The following COL6A3 variants were observed in gnomAD, a reference collection of about 807,000 sequenced individuals.
The protein encoded by COL6A3 is collagen alpha-3(VI) chain.
A neutral mutation model predicts 274.1 loss-of-function variants in COL6A3; 137 were observed. The ratio of observed to expected loss-of-function variants is 0.50; its 90% CI spans 0.44 to 0.58. The LOEUF (loss-of-function observed/expected upper bound fraction) is 0.58. Ranked by LOEUF, COL6A3 falls within the 20% of genes least tolerant of loss-of-function variation. The pLI is 0.00. For missense variants in COL6A3, 3,950 were observed against 4,124.9 expected (o/e 0.96, Z 1.16); for synonymous variants, 1,650 against 1,650.6 (o/e 1.00, Z 0.01).
In COL6A3 at chr2:237,371,760, G is replaced by C. The variant is rs145889244; in HGVS notation, c.4257C>G (p.Leu1419=). 7 of 1,608,436 alleles carry C rather than the reference G, an allele frequency of 4.4e-6. No homozygotes were observed. The highest frequency in any genetic ancestry group is 1.3e-5 in the African/African-American group (1 of 74,752). The change falls in exon 9 of 44, where the codon CTC becomes CTG. Residue 1419 remains leucine, a synonymous_variant. Transcript: ENST00000295550. This position sits in a 1 kb window ranked among gnomAD's most constrained non-coding sequence, Gnocchi z 4.3. The part of the protein sequence containing the change: ...TTLTSEQIQK[L]LASTRYPPPA... The stretch of plus-strand genomic sequence containing the variant: ...GAGGTGGATAGCGAGTGCTGGCTAA[G>C]AGCTTCTGGATCTGCTCTGAGGTCA...
chr2:237,359,414 C>T (rs1215015239), intron 17 of COL6A3, 26 bp from the exon 18 acceptor site: 14 of 1,613,454 alleles, frequency 8.7e-6, no homozygotes, highest in Middle Eastern at 1.6e-4. Context: ...ATAGGGGAAG[C>T]ATTAGCTTTT....
intron 39 of COL6A3, among the ~76,000 whole-genome samples, chr2:237,338,199 G>C (rs1173287956): frequency 1.3e-5 from 2 of 152,208 alleles, no homozygotes; most frequent in African/African-American, 4.8e-5. Flanking sequence ...CAGTGTGCCA[G>C]TTCTAACCTA....
chr2:237,397,457 AAGAG>A (rs879795388), intron 1 of COL6A3, among the ~76,000 whole-genome samples: 3 of 141,050 alleles, frequency 2.1e-5, no homozygotes, highest in Admixed American at 6.9e-5. Context: ...GAGAGAAAGA[AAGAG>A]AGAGAGGGAG....
intron 28 of COL6A3, among the ~76,000 whole-genome samples, chr2:237,348,877 T>C (rs2077150168): frequency 6.6e-6 from 1 of 152,160 alleles, no homozygotes; most frequent in South Asian, 2.1e-4. Context: ...AGGACTCCCG[T>C]AGCAAAATGG....
At chr2:237,351,213 T>C (rs1370547474) in intron 26 of COL6A3, 21 bp from the exon 27 acceptor site, 4 of 1,613,680 alleles carry the variant, frequency 2.5e-6, no homozygotes, top group Non-Finnish European at 3.4e-6. Flanking sequence ...AGGGGAGGAA[T>C]GTGTCAGTGA....
In COL6A3 at chr2:237,379,183, A is replaced by G. The variant is rs112662926; in HGVS notation, c.1950T>C (p.Val650=). The change falls in exon 6 of 44, where the codon GTT becomes GTC. Residue 650 remains valine, a synonymous_variant. Coordinates refer to ENST00000295550, the MANE Select transcript of COL6A3 (RefSeq NM_004369.4). ...GCACATAAGGGAAATTGGTTTTTCCAACGTTGGCTGATCCATCCAAAAGAA... is the reference window on the plus strand; with the variant it reads ...GCACATAAGGGAAATTGGTTTTTCCGACGTTGGCTGATCCATCCAAAAGAA... ...IIFLLDGSAN[V]GKTNFPYVRD... The G allele has an allele frequency of 6.2e-7, 1 of 1,614,234 alleles. No individual in the cohort carries two copies. Among genetic ancestry groups the G allele is most frequent in the East Asian group, 2.2e-5 (1 of 44,890 alleles).
chr2:237,353,805 G>C (rs2077257841), intron 24 of COL6A3, among the ~76,000 whole-genome samples: 1 of 152,078 alleles, frequency 6.6e-6, no homozygotes, highest in Non-Finnish European at 1.5e-5. Flanking sequence ...AGTCCCCACT[G>C]GGCACCATTT....
Position 237,374,904 on chromosome 2 carries a change from C to T in COL6A3, c.3187G>A (p.Asp1063Asn), listed in dbSNP as rs760543147. Reference protein sequence around the residue: ...RVVESLDVGQDRVRVAVVQYS... With the variant: ...RVVESLDVGQNRVRVAVVQYS... ...TGCACCACGGCCACGCGGACCCGGT[C>T]CTGGCCCACATCCAGGCTTTCCACC... The change falls in exon 8 of 44, where the codon GAC (aspartate) becomes AAC (asparagine). Residue 1063 changes from aspartate (D) to asparagine (N), a missense_variant. By Grantham distance (23) the Asp-to-Asn change is conservative (BLOSUM62 1). This residue lies in a region of COL6A3 where 1,934 missense variants were observed against 1,984.3 expected (regional missense o/e 0.97). Coordinates refer to ENST00000295550, the MANE Select transcript of COL6A3 (RefSeq NM_004369.4). This position sits in a 1 kb window ranked among gnomAD's most constrained non-coding sequence, Gnocchi z 4.8. 11 of 1,613,800 alleles carry T rather than the reference C, an allele frequency of 6.8e-6. No homozygotes were observed. Among genetic ancestry groups the T allele is most frequent in the Middle Eastern group, 1.6e-4 (1 of 6,082 alleles).
intron 31 of COL6A3, among the ~76,000 whole-genome samples, chr2:237,346,813 G>C (rs1350461124): frequency 1.3e-5 from 2 of 152,096 alleles, no homozygotes; most frequent in African/African-American, 4.8e-5. Context: ...CCAGGCTAAG[G>C]TAAGACAGGT....
chr2:237,405,205 C>A (rs529941779), intron 1 of COL6A3, among the ~76,000 whole-genome samples: 1 of 152,248 alleles, frequency 6.6e-6, no homozygotes, highest in East Asian at 1.9e-4. Flanking sequence ...GTGGGAAAAA[C>A]GCCTTTGGCC....
At chr2:237,337,545 A>T (rs538005325) in intron 39 of COL6A3, among the ~76,000 whole-genome samples, 1 of 152,360 alleles carries the variant, frequency 6.6e-6, no homozygotes, top group Middle Eastern at 3.4e-3. Context: ...CTCTTTCCCC[A>T]TCTTGAGAGT....
rs115320113 is a variant in COL6A3 at position 237,361,827 on chromosome 2, T to C, written c.6068A>G (p.Asn2023Ser). 1.3e-5 allele frequency: 21 copies of C among 1,613,962 alleles called. No individual in the cohort carries two copies. The East Asian group carries it at 3.6e-4, about 27-fold the overall frequency. The change falls in exon 15 of 44, where the codon AAC becomes AGC. Residue 2023 changes from asparagine (N) to serine (S), a missense_variant. Asn to Ser is a conservative substitution (Grantham distance 46, BLOSUM62 1). Coordinates refer to ENST00000295550, the MANE Select transcript of COL6A3 (RefSeq NM_004369.4). The surrounding 1 kb of genome is among the most constrained non-coding windows in gnomAD (Gnocchi z 5.1). ...CCCACAGCAAGCTTTCTCGGCAATG[T>C]TGTCCTACCGAAAGGAAGAGAAACC... ...LDYELAEQLD[N>S]IAEKACCGVP...
At chr2:237,391,216 T>G (rs1248155855) in intron 3 of COL6A3, among the ~76,000 whole-genome samples, 1 of 152,258 alleles carries the variant, frequency 6.6e-6, no homozygotes, top group African/African-American at 2.4e-5. Flanking sequence ...TAGGAGGAAC[T>G]GCAGAGTGAT....
intron 4 of COL6A3, among the ~76,000 whole-genome samples, chr2:237,384,861 C>T (rs2078105837): frequency 6.6e-6 from 1 of 152,168 alleles, no homozygotes. Flanking sequence ...ACAGCAGCTG[C>T]TTCTCCAGCT....
chr2:237,358,057 C>T (rs1008597477), intron 21 of COL6A3, among the ~76,000 whole-genome samples, 175 bp from the exon 22 acceptor site: 6 of 152,234 alleles, frequency 3.9e-5, no homozygotes, highest in Non-Finnish European at 7.3e-5. Context: ...AACCCAATCA[C>T]GGGATCAGCA....
chr2:237,365,637 C>T, intron 12 of COL6A3, 61 bp downstream of exon 12: 1 of 1,462,376 alleles, frequency 6.8e-7, no homozygotes. Flanking sequence ...AGGGCTTCCT[C>T]CTTTCCAGTA....
At chr2:237,351,562 T>C (rs1362662642) in intron 26 of COL6A3, among the ~76,000 whole-genome samples, 2 of 152,228 alleles carry the variant, frequency 1.3e-5, no homozygotes, top group Non-Finnish European at 2.9e-5. Flanking sequence ...CTGGTACATA[T>C]GGGCATGTTA....
intron 4 of COL6A3, among the ~76,000 whole-genome samples, chr2:237,387,134 T>A (rs1439894578): frequency 6.6e-6 from 1 of 152,188 alleles, no homozygotes; most frequent in African/African-American, 2.4e-5. Context: ...ACACCCTCAC[T>A]CCATCTTTGC....
In COL6A3 at chr2:237,361,631, TC is replaced by T; in HGVS notation, c.6156+107del. ...TTCTAACATAAGAAATGGTCTCTCG[TC>T]TCCTCCTTCATCTCCACACTCTTCT... is the stretch of plus-strand genomic sequence containing the variant. On this transcript the variant is annotated intron_variant, in intron 15 of 43. Transcript: ENST00000295550. The surrounding 1 kb of genome is among the most constrained non-coding windows in gnomAD (Gnocchi z 5.1). The T allele has an allele frequency of 2.9e-6, 3 of 1,041,936 alleles. No individual in the cohort carries two copies. Among genetic ancestry groups the T allele is most frequent in the Non-Finnish European group, 4.6e-6 (3 of 659,310 alleles). 64.5% of individuals were successfully genotyped at this position (1,041,936 alleles called of 1,614,324 possible). A position where few individuals can be genotyped will look rare whatever the true frequency, so the allele number is the denominator to read the frequency against.
Sources: gnomAD v4.1 joint callset for allele counts (sites outside exome capture counted in the v4.1 genomes callset) on GRCh38, gnomAD v4.1.1 for gene constraint, gnomAD v4.1.1 regional missense constraint, Gnocchi (gnomAD v3.1) non-coding constraint, MANE v1.5 for transcripts, NCBI Gene and HGNC (gene_info 2026-07-23, HGNC 2026-07-21) for gene names.